Variants in OXR1 observed in about 807,000 individuals in gnomAD.
OXR1 encodes oxidation resistance 1, also known as oxidation resistance protein 1.
Under a neutral mutation model 104.6 loss-of-function variants are expected in OXR1, and 41 were observed. That is an observed-to-expected ratio of 0.39 (90% CI 0.31 to 0.51). The LOEUF (loss-of-function observed/expected upper bound fraction) is 0.51. Ranked by LOEUF, OXR1 falls within the 20% of genes least tolerant of loss-of-function variation. OXR1 has a pLI of 0.77. For synonymous variants in OXR1, 348 were observed against 348.4 expected, an observed-to-expected ratio of 1.00 and a Z score of 0.01; for missense variants, 955 against 1,031.9, an observed-to-expected ratio of 0.93 and a Z score of 1.02.
chr8:106,619,238 T>C (rs2130835819), intron 3 of OXR1, among the ~76,000 whole-genome samples: 1 of 152,326 alleles, frequency 6.6e-6, no homozygotes, highest in Non-Finnish European at 1.5e-5. Flanking sequence ...TTATCCCTTT[T>C]TAAGTTAGTA....
At chr8:106,320,923 C>T (rs1053775674) in intron 1 of OXR1, among the ~76,000 whole-genome samples, 26 of 152,282 alleles carry the variant, frequency 1.7e-4, no homozygotes, top group Admixed American at 1.3e-3. Context: ...CCACCTGCCT[C>T]GGCCTCCCAA....
intron 2 of OXR1, among the ~76,000 whole-genome samples, chr8:106,488,692 A>G (rs958392319): frequency 1.4e-5 from 2 of 143,448 alleles, no homozygotes; most frequent in Admixed American, 7.1e-5. Context: ...TCCTTTCCCC[A>G]TTGCTTGTTT....
chr8:106,371,696 G>A (rs865966565), intron 2 of OXR1, among the ~76,000 whole-genome samples: 14 of 152,168 alleles, frequency 9.2e-5, no homozygotes, highest in African/African-American at 1.9e-4. Context: ...CCATGAAATC[G>A]TGTGGTTTTC....
intron 1 of OXR1, among the ~76,000 whole-genome samples, chr8:106,306,996 C>T (rs1813488481): frequency 6.6e-6 from 1 of 152,160 alleles, no homozygotes; most frequent in Non-Finnish European, 1.5e-5. Context: ...ACTAGAAGCA[C>T]TTGTAGCTTC....
chr8:106,524,552 A>C (rs1342204007), intron 3 of OXR1, among the ~76,000 whole-genome samples: 5 of 152,218 alleles, frequency 3.3e-5, no homozygotes, highest in African/African-American at 1.2e-4. Flanking sequence ...AGAATCACTC[A>C]GTGACACACC....
intron 3 of OXR1, among the ~76,000 whole-genome samples, chr8:106,575,797 A>G (rs1311322178): frequency 1.3e-5 from 2 of 152,092 alleles, no homozygotes; most frequent in African/African-American, 2.4e-5. Flanking sequence ...TCTCAGAAGG[A>G]AAGACTTTAA....
chr8:106,365,067 C>A (rs1034126734), intron 2 of OXR1, among the ~76,000 whole-genome samples: 1 of 151,892 alleles, frequency 6.6e-6, no homozygotes, highest in African/African-American at 2.4e-5. Flanking sequence ...TTATTAGCCC[C>A]GGTTTTATAG....
intron 2 of OXR1, among the ~76,000 whole-genome samples, chr8:106,431,610 G>A (rs546015366): frequency 6.6e-6 from 1 of 152,158 alleles, no homozygotes; most frequent in African/African-American, 2.4e-5. Flanking sequence ...TCGTTCGTCT[G>A]TCTTCTTTCT....
rs1038972755 is a variant in OXR1 at position 106,684,117 on chromosome 8, T to C, written c.412-129T>C. 8.9e-6 allele frequency: 5 copies of C among 561,242 alleles called. No homozygotes were observed. The East Asian group carries it at 1.5e-4, about 16-fold the overall frequency. The allele number at this position is 561,242 out of a possible 1,614,324, so 34.8% of individuals were successfully genotyped here. ...TTCTTTTTTAAAAATGTTTTTATAT[T>C]CTTATAATTTGAAAATTTTTATGTT... On this transcript the variant is annotated intron_variant, in intron 5 of 16. Transcript: ENST00000517566.
intron 2 of OXR1, among the ~76,000 whole-genome samples, chr8:106,397,412 T>C (rs1817824205): frequency 6.6e-6 from 1 of 152,080 alleles, no homozygotes. Context: ...TAAACTTTTC[T>C]ATCTTCTGAT....
intron 2 of OXR1, among the ~76,000 whole-genome samples, chr8:106,392,439 A>G (rs1817621436): frequency 6.6e-6 from 1 of 152,166 alleles, no homozygotes; most frequent in Non-Finnish European, 1.5e-5. Context: ...TGGTGAAGAG[A>G]CAAGAGAATT....
At chr8:106,694,862 C>G (rs1323908806) in intron 7 of OXR1, among the ~76,000 whole-genome samples, 20 of 85,876 alleles carry the variant, frequency 2.3e-4, no homozygotes, top group Non-Finnish European at 4.0e-4. Flanking sequence ...TATATAAATA[C>G]ATTTATATAT....
At chr8:106,312,521 G>T (rs1293641060) in intron 1 of OXR1, among the ~76,000 whole-genome samples, 1 of 152,114 alleles carries the variant, frequency 6.6e-6, no homozygotes, top group African/African-American at 2.4e-5. Flanking sequence ...TGGAAGAGGT[G>T]GTACAGGGAT....
intron 2 of OXR1, among the ~76,000 whole-genome samples, chr8:106,409,391 G>A (rs7838526): frequency 0.23 from 34,508 of 151,884 alleles, 5,564 homozygotes; most frequent in African/African-American, 0.44. Flanking sequence ...CCTGAGGACA[G>A]GAGTTTGAAA....
chr8:106,426,009 G>C (rs760992547), intron 2 of OXR1, among the ~76,000 whole-genome samples: 1 of 152,152 alleles, frequency 6.6e-6, no homozygotes, highest in East Asian at 1.9e-4. Flanking sequence ...TGAAGTCAGA[G>C]ACAAAGTCAA....
chr8:106,585,415 T>C (rs1043524014), intron 3 of OXR1, among the ~76,000 whole-genome samples: 3 of 152,136 alleles, frequency 2.0e-5, no homozygotes, highest in Non-Finnish European at 4.4e-5. Context: ...ACCAACTTGC[T>C]AGGTTGTATA....
intron 7 of OXR1, among the ~76,000 whole-genome samples, chr8:106,699,399 G>GT (rs1295185939): frequency 6.6e-6 from 1 of 152,070 alleles, no homozygotes; most frequent in African/African-American, 2.4e-5. Flanking sequence ...TGTTTTGCTT[G>GT]TTTTTTCTCT....
chr8:106,323,032 A>G (rs1814290008), intron 1 of OXR1, among the ~76,000 whole-genome samples: 1 of 152,140 alleles, frequency 6.6e-6, no homozygotes, highest in Non-Finnish European at 1.5e-5. Flanking sequence ...CTAGAAAAAA[A>G]AAGACTATTT....
chr8:106,489,343 C>T (rs79867666), intron 2 of OXR1, among the ~76,000 whole-genome samples: 1,912 of 152,218 alleles, frequency 0.013, 31 homozygotes, highest in East Asian at 0.08. Flanking sequence ...TTGGCAGAGA[C>T]GGGATAAGCC....
Sources: allele counts gnomAD v4.1 joint callset (sites outside exome capture counted in the v4.1 genomes callset), GRCh38; gene constraint gnomAD v4.1.1; transcripts MANE v1.5; gene names NCBI Gene and HGNC (gene_info 2026-07-23, HGNC 2026-07-21).